Variants in MAPK10 observed in about 807,000 individuals in gnomAD.
The protein encoded by MAPK10 is mitogen-activated protein kinase 10, also known as JNK3 alpha protein kinase.
A neutral mutation model predicts 59.3 loss-of-function variants in MAPK10; 25 were observed. The ratio of observed to expected loss-of-function variants is 0.42; its 90% CI spans 0.31 to 0.59. MAPK10 has a LOEUF of 0.59. Among genes scored for constraint, MAPK10 ranks in the 20% least tolerant of loss-of-function variants. MAPK10 has a pLI of 0.15. For missense variants in MAPK10, 351 were observed against 568.9 expected (o/e 0.62, Z 3.90); for synonymous variants, 190 against 200.5 (o/e 0.95, Z 0.44).
At chr4:86,468,732 T>C (rs1194357216) in intron 1 of MAPK10, among the ~76,000 whole-genome samples, 1 of 152,140 alleles carries the variant, frequency 6.6e-6, no homozygotes, top group East Asian at 1.9e-4. Context: ...CATGCACCTG[T>C]AGTCCCAGCT....
At chr4:86,096,031 C>T (rs1172045950) in intron 9 of MAPK10, among the ~76,000 whole-genome samples, 1 of 151,464 alleles carries the variant, frequency 6.6e-6, no homozygotes, top group Non-Finnish European at 1.5e-5. Context: ...ACTTTTAGGT[C>T]CACATGCAGG....
intron 3 of MAPK10, among the ~76,000 whole-genome samples, chr4:86,165,478 A>G (rs138216300): frequency 6.6e-6 from 1 of 150,820 alleles, no homozygotes; most frequent in East Asian, 2.0e-4. Flanking sequence ...CCTGAGCTCA[A>G]GCAATCTCCC....
chr4:86,467,394 T>C (rs1041721143), intron 1 of MAPK10, among the ~76,000 whole-genome samples: 3 of 152,250 alleles, frequency 2.0e-5, no homozygotes, highest in African/African-American at 7.2e-5. Context: ...AGTGTATATT[T>C]CTTTTAAAAA....
chr4:86,089,419 C>A, intron 9 of MAPK10: 1 of 594,202 alleles, frequency 1.7e-6, no homozygotes, highest in South Asian at 2.3e-5. Flanking sequence ...TGATCATTAG[C>A]ATTTTAAATG....
At chr4:86,110,208 G>A (rs2057254543) in intron 4 of MAPK10, among the ~76,000 whole-genome samples, 1 of 152,082 alleles carries the variant, frequency 6.6e-6, no homozygotes, top group Non-Finnish European at 1.5e-5. Flanking sequence ...TTCTTTTGCT[G>A]TCCAGAAGCT....
intron 1 of MAPK10, among the ~76,000 whole-genome samples, chr4:86,410,410 G>T (rs753288073): frequency 6.6e-6 from 1 of 152,152 alleles, no homozygotes; most frequent in Non-Finnish European, 1.5e-5. Flanking sequence ...GATGATGCTG[G>T]CCTCATAAAA....
At chr4:86,075,769 G>A (rs561266078) in intron 9 of MAPK10, among the ~76,000 whole-genome samples, 15 of 152,242 alleles carry the variant, frequency 9.9e-5, no homozygotes, top group East Asian at 5.8e-4. Flanking sequence ...CTCCAGCTGC[G>A]TGCTGGGAGA....
chr4:86,328,436 A>G (rs2096074809), intron 2 of MAPK10, among the ~76,000 whole-genome samples: 1 of 152,230 alleles, frequency 6.6e-6, no homozygotes, highest in Admixed American at 6.5e-5. Flanking sequence ...TGTGGAAGAC[A>G]CTGTGGCGAT....
chr4:86,193,903 TGCA>T, intron 3 of MAPK10: 1 of 171,372 alleles, frequency 5.8e-6, no homozygotes, highest in South Asian at 1.4e-4. Flanking sequence ...TGAGGGAACC[TGCA>T]GGTTGCGAAG....
chr4:86,348,448 C>A (rs1364297287), intron 2 of MAPK10, among the ~76,000 whole-genome samples: 1 of 152,106 alleles, frequency 6.6e-6, no homozygotes, highest in African/African-American at 2.4e-5. Flanking sequence ...TATTGTAGTT[C>A]TTTATTATAA....
At chr4:86,208,378 A>T (rs540260522) in intron 2 of MAPK10, among the ~76,000 whole-genome samples, 1 of 148,536 alleles carries the variant, frequency 6.7e-6, no homozygotes, top group South Asian at 2.1e-4. Context: ...GCACATCAAA[A>T]AGCTTATCCA....
At chr4:86,223,411 G>A (rs563226576) in intron 2 of MAPK10, among the ~76,000 whole-genome samples, 5 of 152,226 alleles carry the variant, frequency 3.3e-5, no homozygotes, top group African/African-American at 4.8e-5. Flanking sequence ...TGTCCTGTTC[G>A]GCACCATACT....
intron 1 of MAPK10, among the ~76,000 whole-genome samples, chr4:86,502,532 A>G (rs1755406560): frequency 1.3e-5 from 2 of 152,018 alleles, no homozygotes; most frequent in South Asian, 2.1e-4. Context: ...TATCACTCCT[A>G]TACCTCAGCA....
chr4:86,092,076 T>C (rs1277366600), intron 9 of MAPK10, among the ~76,000 whole-genome samples: 1 of 152,182 alleles, frequency 6.6e-6, no homozygotes, highest in Non-Finnish European at 1.5e-5. Flanking sequence ...AGAATATTTA[T>C]TTAAAATATA....
chr4:86,588,186 C>A (rs967313598), intron 1 of MAPK10, among the ~76,000 whole-genome samples: 1 of 152,074 alleles, frequency 6.6e-6, no homozygotes, highest in Non-Finnish European at 1.5e-5. Context: ...GTTCATGGGT[C>A]CAACATAAAA....
intron 1 of MAPK10, among the ~76,000 whole-genome samples, chr4:86,428,413 C>A (rs1747590211): frequency 6.6e-6 from 1 of 152,128 alleles, no homozygotes; most frequent in Non-Finnish European, 1.5e-5. Flanking sequence ...CCCACTTTGG[C>A]CTCCCAAACT....
At chr4:86,106,627 C>G (rs772248353) in intron 5 of MAPK10, among the ~76,000 whole-genome samples, 14 of 151,698 alleles carry the variant, frequency 9.2e-5, no homozygotes, top group Admixed American at 2.0e-4. Context: ...CTTTACTGGT[C>G]TACCCAGCTG....
chr4:86,093,257 G>A (rs1035563572), intron 9 of MAPK10, among the ~76,000 whole-genome samples: 6 of 151,860 alleles, frequency 4.0e-5, no homozygotes, highest in African/African-American at 9.7e-5. Context: ...GGGGGATTAC[G>A]TAACTCTTTT....
At position 86,014,386 on chromosome 4, in the gene MAPK10, A is replaced by C. The variant is rs909505767; in HGVS notation, c.*2842T>G. On this transcript the variant is annotated 3_prime_UTR_variant, in exon 14 of 14. Transcript: ENST00000641462. ...AATGCAGAACATATTATATTCTGTG[A>C]ATTTGATAATATCATCACCTCCTAG... 2 of 149,170 alleles carry C rather than the reference A, an allele frequency of 1.3e-5. No individual in the cohort carries two copies. Among genetic ancestry groups the C allele is most frequent in the African/African-American group, 2.5e-5 (1 of 40,152 alleles). 9.2% of individuals were successfully genotyped at this position (149,170 alleles called of 1,614,324 possible).
Sources: gnomAD v4.1 joint callset for allele counts (sites outside exome capture counted in the v4.1 genomes callset) on GRCh38, gnomAD v4.1.1 for gene constraint, MANE v1.5 for transcripts, NCBI Gene and HGNC (gene_info 2026-07-23, HGNC 2026-07-21) for gene names.